SORT1: variants seen among roughly 807,000 people sequenced by gnomAD.
SORT1 encodes the protein sortilin.
Under a neutral mutation model 101.7 loss-of-function variants are expected in SORT1, and 39 were observed. The observed-to-expected ratio is 0.38, with a 90% CI of 0.30 to 0.50. The LOEUF is 0.50. Among genes scored for constraint, SORT1 ranks in the 20% least tolerant of loss-of-function variants. The pLI, the probability that SORT1 is intolerant of heterozygous loss-of-function variation, is 0.90. For synonymous variants in SORT1, 396 were observed against 393.7 expected (o/e 1.01, Z -0.07); for missense variants, 878 against 1,040.4 (o/e 0.84, Z 2.15).
At chr1:109,326,196 C>A (rs973477955) in intron 13 of SORT1, among the ~76,000 whole-genome samples, 4 of 148,620 alleles carry the variant, frequency 2.7e-5, no homozygotes, top group African/African-American at 9.8e-5. Context: ...CAAAGGCGTG[C>A]ACCACCACGC....
chr1:109,363,572 A>T (rs1007943014), intron 3 of SORT1, among the ~76,000 whole-genome samples: 19 of 152,208 alleles, frequency 1.2e-4, no homozygotes, highest in Admixed American at 3.9e-4. Flanking sequence ...TAAAGACAGA[A>T]GTATACTCCC....
chr1:109,385,683 T>G (rs1050691416), intron 1 of SORT1, among the ~76,000 whole-genome samples: 2 of 152,078 alleles, frequency 1.3e-5, no homozygotes, highest in South Asian at 2.1e-4. Context: ...GATCCTGGAG[T>G]ATGCCAAGCT....
At chr1:109,367,071 C>CA (rs1651144131) in intron 3 of SORT1, 2 of 183,798 alleles carry the variant, frequency 1.1e-5, no homozygotes, top group African/African-American at 4.7e-5. Flanking sequence ...ACAAAAAATA[C>CA]AAAAAATTAG....
rs111879983 is a variant in SORT1, at chr1:109,314,192, A to C, written c.2481+69T>G. ...CCTGGCATATCTTGATCATGAATAGAAGACAGACTTTATTTTCTTGTATTT... is the reference window on the plus strand; with the variant it reads ...CCTGGCATATCTTGATCATGAATAGCAGACAGACTTTATTTTCTTGTATTT... On this transcript the variant is annotated intron_variant, in intron 19 of 19. Coordinates refer to ENST00000256637, the MANE Select transcript of SORT1 (RefSeq NM_002959.7). 3.8e-4 allele frequency: 569 copies of C among 1,483,150 alleles called. No individual in the cohort carries two copies. In the African/African-American group the frequency reaches 7.6e-3, roughly 20 times the overall value. 91.9% of individuals were successfully genotyped at this position (1,483,150 alleles called of 1,614,324 possible). A position where few individuals can be genotyped will look rare whatever the true frequency, so the allele number is the denominator to read the frequency against.
At chr1:109,339,911 G>A (rs1649097746) in intron 10 of SORT1, among the ~76,000 whole-genome samples, 1 of 152,274 alleles carries the variant, frequency 6.6e-6, no homozygotes, top group Middle Eastern at 3.4e-3. Context: ...CACTTTGGGA[G>A]GCCAAGGCAG....
At chr1:109,343,876 C>T (rs1007205486) in intron 8 of SORT1, among the ~76,000 whole-genome samples, 9 of 152,172 alleles carry the variant, frequency 5.9e-5, no homozygotes, top group African/African-American at 2.2e-4. Context: ...CTCTCAAACT[C>T]CTGACCTCAA....
chr1:109,340,697 G>A (rs1377458879), intron 10 of SORT1, 27 bp downstream of exon 10: 1 of 1,613,136 alleles, frequency 6.2e-7, no homozygotes, highest in Non-Finnish European at 8.5e-7. Context: ...TGAAGGCACA[G>A]TACACCACTG....
rs139183746 is a variant in SORT1, at chr1:109,322,864, TA to T, written c.2024+67del. The T allele has an allele frequency of 7.3e-5, 95 of 1,306,544 alleles. No individual in the cohort carries two copies. The East Asian group carries it at 2.2e-3, about 31-fold the overall frequency. 80.9% of individuals were successfully genotyped at this position (1,306,544 alleles called of 1,614,324 possible). On this transcript the variant is annotated intron_variant, in intron 15 of 19. Transcript: ENST00000256637. The stretch of plus-strand genomic sequence containing the variant: ...TGGATTTCAATATTTGTTAGCCCTA[TA>T]AGAAAACTGTCTTTCACCTCCTCCA...
intron 15 of SORT1, among the ~76,000 whole-genome samples, chr1:109,321,933 G>C (rs962375260): frequency 2.0e-5 from 3 of 152,068 alleles, no homozygotes; most frequent in African/African-American, 7.2e-5. Context: ...CTGAACTCTA[G>C]GGAGTCCACT....
At position 109,385,050 on chromosome 1, in the gene SORT1, C is replaced by T. The variant is rs2101651996; in HGVS notation, c.306+12537G>A. ...CTGAGATCACAACACTGCACTCCAG[C>T]CTGGACAATAGAGTGAGACTCTGTC... On this transcript the variant is annotated intron_variant, in intron 1 of 19. Transcript: ENST00000256637. Among the ~76,000 whole-genome samples, 2 of 152,158 alleles carry T rather than the reference C, an allele frequency of 1.3e-5. 1 individual carries two copies. Among genetic ancestry groups the T allele is most frequent in the Middle Eastern group, 6.8e-3 (2 of 294 alleles).
At chr1:109,339,473 C>T (rs1649065175) in intron 10 of SORT1, among the ~76,000 whole-genome samples, 1 of 152,132 alleles carries the variant, frequency 6.6e-6, no homozygotes, top group South Asian at 2.1e-4. Flanking sequence ...ATTCACATGG[C>T]CAACGAGCAT....
chr1:109,321,006 T>G (rs1647589797), intron 15 of SORT1, among the ~76,000 whole-genome samples: 1 of 152,188 alleles, frequency 6.6e-6, no homozygotes, highest in Non-Finnish European at 1.5e-5. Context: ...GATGCCAGTT[T>G]CACATCCCAG....
At chr1:109,387,449 C>T (rs1652635458) in intron 1 of SORT1, among the ~76,000 whole-genome samples, 1 of 152,162 alleles carries the variant, frequency 6.6e-6, no homozygotes. Flanking sequence ...ACCATGATTA[C>T]ACCCCTGCAC....
At chr1:109,360,586 C>T (rs2101614337) in intron 3 of SORT1, among the ~76,000 whole-genome samples, 1 of 151,886 alleles carries the variant, frequency 6.6e-6, no homozygotes, top group East Asian at 1.9e-4. Context: ...ATCCTTCCAC[C>T]TCAGCCTCCC....
At chr1:109,351,788 T>C (rs1570937966) in intron 5 of SORT1, among the ~76,000 whole-genome samples, 1 of 152,214 alleles carries the variant, frequency 6.6e-6, no homozygotes, top group African/African-American at 2.4e-5. Flanking sequence ...ATGGGAAAGA[T>C]GGATTTCAGA....
intron 1 of SORT1, among the ~76,000 whole-genome samples, chr1:109,390,798 T>TGTGTGTGTGTGTGTGC (rs749556914): frequency 6.9e-5 from 10 of 144,860 alleles, no homozygotes; most frequent in African/African-American, 2.3e-4. Context: ...TGTGTGTGTG[T>TGTGTGTGTGTGTGTGC]GCGCGCGCGC....
intron 1 of SORT1, among the ~76,000 whole-genome samples, chr1:109,394,330 T>A (rs1310282247): frequency 6.6e-6 from 1 of 152,136 alleles, no homozygotes; most frequent in East Asian, 1.9e-4. Context: ...ACTTAATCAT[T>A]AGGACTTCTA....
intron 1 of SORT1, among the ~76,000 whole-genome samples, chr1:109,395,548 G>GA (rs1653141541): frequency 6.6e-6 from 1 of 151,342 alleles, no homozygotes; most frequent in Non-Finnish European, 1.5e-5. Flanking sequence ...TAAGGTCACT[G>GA]AAAAAAAGAC....
At chr1:109,377,059 G>A (rs1651905747) in intron 1 of SORT1, among the ~76,000 whole-genome samples, 1 of 152,156 alleles carries the variant, frequency 6.6e-6, no homozygotes, top group Admixed American at 6.5e-5. Context: ...ATTCTGGTTT[G>A]TAATTATCAC....
Sources: gnomAD v4.1 joint callset for allele counts (sites outside exome capture counted in the v4.1 genomes callset) on GRCh38, gnomAD v4.1.1 for gene constraint, MANE v1.5 for transcripts, NCBI Gene and HGNC (gene_info 2026-07-23, HGNC 2026-07-21) for gene names.